The following SAMTOR variants were observed in gnomAD, a reference collection of about 807,000 sequenced individuals.
SAMTOR encodes UPF0532 protein C7orf60.
chr7:112,870,768 C>T, the SAMTOR span, among the ~76,000 whole-genome samples: 1 of 149,416 alleles, frequency 6.7e-6, no homozygotes, highest in Admixed American at 6.7e-5. Flanking sequence ...AAAAAAAACC[C>T]ACCCATCTTC....
chr7:112,917,187 C>A, the SAMTOR span, among the ~76,000 whole-genome samples: 2 of 152,162 alleles, frequency 1.3e-5, no homozygotes, highest in African/African-American at 4.8e-5. Context: ...GAGCAGCCTA[C>A]CTGGGAGGCA....
At chr7:112,836,143 G>A in the SAMTOR span, among the ~76,000 whole-genome samples, 2 of 152,070 alleles carry the variant, frequency 1.3e-5, no homozygotes, top group South Asian at 4.1e-4. Context: ...AACCTTGCCA[G>A]CAGCTGTTAT....
the SAMTOR span, among the ~76,000 whole-genome samples, chr7:112,835,485 C>T: frequency 6.6e-6 from 1 of 151,996 alleles, no homozygotes; most frequent in Non-Finnish European, 1.5e-5. Flanking sequence ...AGTTGAAGTT[C>T]TTTTATAAAC....
chr7:112,931,279 C>T, the SAMTOR span, among the ~76,000 whole-genome samples: 1 of 151,294 alleles, frequency 6.6e-6, no homozygotes, highest in East Asian at 1.9e-4. Flanking sequence ...GGGGTTGGGA[C>T]AACCTTAAGA....
the SAMTOR span, among the ~76,000 whole-genome samples, chr7:112,916,202 TTTTA>T: frequency 6.6e-6 from 1 of 152,200 alleles, no homozygotes; most frequent in African/African-American, 2.4e-5. Context: ...AGCTACTACC[TTTTA>T]TTTAAATAAA....
chr7:112,881,842 A>C, the SAMTOR span, among the ~76,000 whole-genome samples: 1 of 152,218 alleles, frequency 6.6e-6, no homozygotes, highest in African/African-American at 2.4e-5. Flanking sequence ...GAAAAGAACT[A>C]GGGACCCACC....
At chr7:112,891,227 G>C in the SAMTOR span, among the ~76,000 whole-genome samples, 1 of 152,142 alleles carries the variant, frequency 6.6e-6, no homozygotes, top group South Asian at 2.1e-4. Flanking sequence ...TAACACATGA[G>C]TTAAAGGATG....
chr7:112,914,112 G>C, the SAMTOR span, among the ~76,000 whole-genome samples: 2 of 152,006 alleles, frequency 1.3e-5, no homozygotes, highest in Non-Finnish European at 2.9e-5. Context: ...TGAATTATTT[G>C]TTGAATGAAT....
the SAMTOR span, among the ~76,000 whole-genome samples, chr7:112,830,889 T>G: frequency 6.6e-6 from 1 of 152,042 alleles, no homozygotes; most frequent in Middle Eastern, 3.2e-3. Flanking sequence ...ACTTTTTTTT[T>G]TTTTTCAAGA....
the SAMTOR span, among the ~76,000 whole-genome samples, chr7:112,848,154 TAAA>T: frequency 6.6e-6 from 1 of 151,970 alleles, no homozygotes; most frequent in Non-Finnish European, 1.5e-5. Flanking sequence ...CTCTGTATCT[TAAA>T]AAAATTTTCT....
At chr7:112,937,766 A>C in the SAMTOR span, among the ~76,000 whole-genome samples, 231 of 145,250 alleles carry the variant, frequency 1.6e-3, no homozygotes, top group Non-Finnish European at 2.9e-3. Flanking sequence ...ACTCCCCAGA[A>C]GCATACTAGA....
chr7:112,879,254 C>G, the SAMTOR span, among the ~76,000 whole-genome samples: 1 of 150,270 alleles, frequency 6.7e-6, no homozygotes, highest in African/African-American at 2.5e-5. Flanking sequence ...TTGGAATAAT[C>G]AGCATATATG....
chr7:112,833,228 A>G, the SAMTOR span, among the ~76,000 whole-genome samples: 1 of 152,204 alleles, frequency 6.6e-6, no homozygotes, highest in Non-Finnish European at 1.5e-5. Context: ...TCCACTCTAC[A>G]CTCAGAGTGA....
the SAMTOR span, among the ~76,000 whole-genome samples, chr7:112,885,726 G>A: frequency 7.2e-5 from 11 of 152,118 alleles, no homozygotes; most frequent in Non-Finnish European, 1.5e-4. Flanking sequence ...AAGTCTCTTG[G>A]AAGTTCCAAG....
At chr7:112,848,331 T>C in the SAMTOR span, among the ~76,000 whole-genome samples, 2 of 152,190 alleles carry the variant, frequency 1.3e-5, no homozygotes, top group Non-Finnish European at 2.9e-5. Context: ...TTAAAAATAC[T>C]TTACATGTAT....
chr7:112,833,333 G>A, the SAMTOR span, among the ~76,000 whole-genome samples: 1 of 152,074 alleles, frequency 6.6e-6, no homozygotes. Flanking sequence ...AGGAGTTCTC[G>A]AATCAGAAAG....
the SAMTOR span, among the ~76,000 whole-genome samples, chr7:112,873,880 T>G: frequency 6.6e-6 from 1 of 151,916 alleles, no homozygotes; most frequent in African/African-American, 2.4e-5. Context: ...ATTACCCTAT[T>G]AAAAAGTGGG....
At chr7:112,856,796 T>C in the SAMTOR span, among the ~76,000 whole-genome samples, 1 of 152,200 alleles carries the variant, frequency 6.6e-6, no homozygotes, top group Admixed American at 6.5e-5. Flanking sequence ...CCTAAAACAA[T>C]TCTTTTTGAA....
At chr7:112,922,291 G>A in the SAMTOR span, among the ~76,000 whole-genome samples, 7 of 152,154 alleles carry the variant, frequency 4.6e-5, no homozygotes, top group East Asian at 1.4e-3. Context: ...GCAGTGGCAT[G>A]ATCTCGGCTT....
Sources: gnomAD v4.1 joint callset for allele counts (sites outside exome capture counted in the v4.1 genomes callset) on GRCh38, gnomAD v4.1.1 for gene constraint, MANE v1.5 for transcripts, NCBI Gene and HGNC (gene_info 2026-07-23, HGNC 2026-07-21) for gene names.